The following TULP4 variants were observed in gnomAD, a reference collection of about 807,000 sequenced individuals.
The protein encoded by TULP4 is TUB like protein 4, also known as tubby-related protein 4.
A neutral mutation model predicts 129.0 loss-of-function variants in TULP4; 16 were observed. The ratio of observed to expected loss-of-function variants is 0.12; its 90% CI spans 0.08 to 0.19. TULP4 has a LOEUF of 0.19. TULP4 is among the 10% of genes least tolerant of loss of function. The probability of loss-of-function intolerance (pLI) is 1.00; values close to 1 mark genes in which losing one functional copy is unlikely to be tolerated. For missense variants in TULP4, 1,842 were observed against 2,059.1 expected, an observed-to-expected ratio of 0.89 and a Z score of 2.04; for synonymous variants, 998 against 854.0, an observed-to-expected ratio of 1.17 and a Z score of -2.94.
At chr6:158,452,632 A>G (rs560736259) in intron 5 of TULP4, among the ~76,000 whole-genome samples, 1 of 152,368 alleles carries the variant, frequency 6.6e-6, no homozygotes, top group Admixed American at 6.5e-5. Flanking sequence ...CAGATGGTGC[A>G]CAAGACATCA....
chr6:158,448,580 C>A (rs1309820833), intron 3 of TULP4, among the ~76,000 whole-genome samples: 1 of 152,046 alleles, frequency 6.6e-6, no homozygotes, highest in East Asian at 1.9e-4. Context: ...AAACATAAAC[C>A]TAAGCTTTTT....
At position 158,313,207 on chromosome 6, in the gene TULP4, C is replaced by G; in HGVS notation, c.-810C>G. 1 of 325,368 alleles carries G rather than the reference C, an allele frequency of 3.1e-6. No homozygotes were observed. The allele number at this position is 325,368 out of a possible 1,614,324, so 20.2% of individuals were successfully genotyped here. On this transcript the variant is annotated 5_prime_UTR_variant, in exon 1 of 14. Transcript: ENST00000367097. Reference sequence around the variant, plus strand: ...AGTGAAGGGGCCTTCTTTCTAGCCTCTATGGCACTGAGGGGTGCGCCGGCT... The same window carrying G: ...AGTGAAGGGGCCTTCTTTCTAGCCTGTATGGCACTGAGGGGTGCGCCGGCT...
At chr6:158,506,422 G>A (rs368356995) in intron 13 of TULP4, among the ~76,000 whole-genome samples, 156 bp from the exon 14 acceptor site, 401 of 151,856 alleles carry the variant, frequency 2.6e-3, no homozygotes, top group South Asian at 0.01. Flanking sequence ...TAATAGAGAC[G>A]GGGTTTCACC....
intron 1 of TULP4, among the ~76,000 whole-genome samples, chr6:158,247,194 CA>C (rs1344923738): frequency 2.0e-5 from 3 of 152,222 alleles, no homozygotes; most frequent in African/African-American, 7.2e-5. Flanking sequence ...GTAGTTTTAA[CA>C]TGTATCCCAG....
intron 5 of TULP4, among the ~76,000 whole-genome samples, chr6:158,453,112 G>C (rs1779200915): frequency 6.6e-6 from 1 of 152,114 alleles, no homozygotes; most frequent in Non-Finnish European, 1.5e-5. Context: ...ATTGGTCTAG[G>C]GAGTCATTAC....
intron 1 of TULP4, among the ~76,000 whole-genome samples, chr6:158,247,909 T>G (rs1778056944): frequency 6.6e-6 from 1 of 152,218 alleles, no homozygotes; most frequent in African/African-American, 2.4e-5. Context: ...GGATTATCTT[T>G]ACACGTAATC....
intron 6 of TULP4, among the ~76,000 whole-genome samples, chr6:158,465,036 C>T (rs374842078): frequency 6.6e-6 from 1 of 152,250 alleles, no homozygotes; most frequent in East Asian, 1.9e-4. Context: ...CTTATTGCTA[C>T]GAAGAGTCAG....
At chr6:158,451,936 T>C (rs1779168747) in intron 4 of TULP4, among the ~76,000 whole-genome samples, 198 bp from the exon 5 acceptor site, 1 of 152,214 alleles carries the variant, frequency 6.6e-6, no homozygotes, top group Admixed American at 6.5e-5. Flanking sequence ...TACTCACAAA[T>C]TCTCTGTTAG....
upstream of TULP4, among the ~76,000 whole-genome samples, chr6:158,309,668 C>T (rs1367641870): frequency 3.9e-5 from 6 of 152,270 alleles, no homozygotes; most frequent in African/African-American, 1.4e-4. Flanking sequence ...GCTGGCGGAT[C>T]ACTCGCGGTT....
At chr6:158,476,268 G>C (rs1466851776) in intron 6 of TULP4, among the ~76,000 whole-genome samples, 1 of 152,158 alleles carries the variant, frequency 6.6e-6, no homozygotes, top group African/African-American at 2.4e-5. Flanking sequence ...AAGTAAATGA[G>C]TGCTGCACCC....
chr6:158,352,394 G>T (rs1780545510), intron 1 of TULP4, among the ~76,000 whole-genome samples: 1 of 152,034 alleles, frequency 6.6e-6, no homozygotes, highest in Non-Finnish European at 1.5e-5. Context: ...TCATGATATG[G>T]ACTGACACTG....
At chr6:158,314,301 C>T (rs753848259) in intron 1 of TULP4, 33 bp downstream of exon 1, 1 of 1,599,656 alleles carries the variant, frequency 6.3e-7, no homozygotes. Context: ...TTTTTGGTCA[C>T]TTCCAGTGGT....
intron 7 of TULP4, 117 bp from the exon 8 acceptor site, chr6:158,480,938 T>TG: frequency 1.1e-6 from 1 of 873,614 alleles, no homozygotes; most frequent in African/African-American, 1.7e-5. Context: ...GCCCCCAGCC[T>TG]GTGCTCTGTC....
At chr6:158,390,331 A>G (rs1385421021) in intron 1 of TULP4, among the ~76,000 whole-genome samples, 1 of 151,970 alleles carries the variant, frequency 6.6e-6, no homozygotes, top group Non-Finnish European at 1.5e-5. Context: ...TTTTACCTCT[A>G]CCTAATTGTA....
At chr6:158,491,651 C>T (rs1240702688) in intron 9 of TULP4, among the ~76,000 whole-genome samples, 1 of 150,902 alleles carries the variant, frequency 6.6e-6, no homozygotes, top group African/African-American at 2.4e-5. Flanking sequence ...TGCCACATGA[C>T]CGGCTAATTT....
At chr6:158,321,048 T>C (rs1370340437) in intron 1 of TULP4, among the ~76,000 whole-genome samples, 3 of 152,334 alleles carry the variant, frequency 2.0e-5, no homozygotes, top group South Asian at 4.1e-4. Context: ...ATTTATTTAT[T>C]TTTTAAAAAA....
At chr6:158,303,534 G>A (rs1779163700) in intron 1 of TULP4, among the ~76,000 whole-genome samples, 1 of 152,084 alleles carries the variant, frequency 6.6e-6, no homozygotes, top group Non-Finnish European at 1.5e-5. Flanking sequence ...ACACGACAAA[G>A]GGCAAAAGCA....
chr6:158,499,668 T>C (rs1780402094), intron 12 of TULP4, among the ~76,000 whole-genome samples: 1 of 152,174 alleles, frequency 6.6e-6, no homozygotes, highest in African/African-American at 2.4e-5. Context: ...GTTTCTGAGC[T>C]AGAGGAACCC....
intron 1 of TULP4, among the ~76,000 whole-genome samples, chr6:158,350,711 G>A (rs1583783431): frequency 1.3e-5 from 2 of 152,134 alleles, no homozygotes; most frequent in African/African-American, 4.8e-5. Context: ...GGCAAGAGAG[G>A]GAGACCGTAG....
Sources: allele counts gnomAD v4.1 joint callset (sites outside exome capture counted in the v4.1 genomes callset), GRCh38; gene constraint gnomAD v4.1.1; transcripts MANE v1.5; gene names NCBI Gene and HGNC (gene_info 2026-07-23, HGNC 2026-07-21).